CSMD1: variants seen among roughly 807,000 people sequenced by gnomAD.
CSMD1 encodes the protein CUB and sushi domain-containing protein 1.
In CSMD1, 213 loss-of-function variants were observed where a neutral mutation model predicts 417.5. The ratio of observed to expected loss-of-function variants is 0.51; its 90% confidence interval spans 0.46 to 0.57. The LOEUF (loss-of-function observed/expected upper bound fraction) is 0.57, where lower values mean the gene tolerates loss of function less well. Among genes scored for constraint, CSMD1 ranks in the 20% least tolerant of loss-of-function variants. CSMD1 has a pLI of 0.00. For synonymous variants in CSMD1, 2,862 were observed against 1,736.8 expected (o/e 1.65, Z -16.11); for missense variants, 6,923 against 4,529.7 (o/e 1.53, Z -15.17).
chr8:4,201,035 G>C (rs527619402), intron 3 of CSMD1, among the ~76,000 whole-genome samples: 2 of 152,116 alleles, frequency 1.3e-5, no homozygotes, highest in East Asian at 1.9e-4. Context: ...AGATACTACA[G>C]AGACGAATTC....
intron 2 of CSMD1, among the ~76,000 whole-genome samples, chr8:4,559,779 T>C (rs1798246867): frequency 6.6e-6 from 1 of 152,258 alleles, no homozygotes; most frequent in Non-Finnish European, 1.5e-5. Flanking sequence ...TGCAGCCTGG[T>C]GCATTTTCCA....
chr8:4,734,403 T>C (rs111711043), intron 1 of CSMD1, among the ~76,000 whole-genome samples: 2 of 152,156 alleles, frequency 1.3e-5, no homozygotes, highest in Non-Finnish European at 2.9e-5. Flanking sequence ...ATTTTTCTTT[T>C]GTTTAGTGAG....
At chr8:4,962,058 A>T (rs1179102447) in intron 1 of CSMD1, among the ~76,000 whole-genome samples, 1 of 151,388 alleles carries the variant, frequency 6.6e-6, no homozygotes, top group Non-Finnish European at 1.5e-5. Context: ...GATTTACTCC[A>T]TTATATCTAT....
rs757723429 is a variant in CSMD1 at position 3,091,577 on chromosome 8, T to C, written c.7224A>G (p.Leu2408=). The stretch of plus-strand genomic sequence containing the variant: ...CATGGTCAGTGGACCAGCGGAGATA[T>C]AACTGATTACTCCTGCTTGTAAAAT... ...QSNFTSRSNQ[L]YLRWSTDHAT... is the part of the protein sequence containing the mutation. The change falls in exon 48 of 70, where the codon TTA becomes TTG. Residue 2408 remains leucine (L), a synonymous_variant. Coordinates refer to ENST00000635120, the MANE Select transcript of CSMD1 (RefSeq NM_033225.6). 2.0e-5 allele frequency: 33 copies of C among 1,611,254 alleles called. No homozygotes were observed. The Admixed American group carries it at 5.4e-4, about 26-fold the overall frequency.
intron 7 of CSMD1, among the ~76,000 whole-genome samples, chr8:3,697,027 C>A (rs1800591393): frequency 6.6e-6 from 1 of 152,146 alleles, no homozygotes; most frequent in African/African-American, 2.4e-5. Context: ...AATGTGGTCA[C>A]ATTCCTCTTC....
At chr8:3,791,120 A>G (rs994966953) in intron 5 of CSMD1, among the ~76,000 whole-genome samples, 2 of 152,206 alleles carry the variant, frequency 1.3e-5, no homozygotes, top group African/African-American at 4.8e-5. Context: ...TATAACTTTT[A>G]AAGCTGGAGT....
chr8:3,517,174 T>G (rs1192692466), intron 10 of CSMD1, among the ~76,000 whole-genome samples: 1 of 152,166 alleles, frequency 6.6e-6, no homozygotes, highest in Non-Finnish European at 1.5e-5. Flanking sequence ...TTCTCATGCC[T>G]GTCACCAGAT....
intron 3 of CSMD1, among the ~76,000 whole-genome samples, chr8:4,271,380 A>G (rs1804584968): frequency 6.6e-6 from 1 of 152,154 alleles, no homozygotes; most frequent in South Asian, 2.1e-4. Flanking sequence ...AATAAATAAA[A>G]GTTTAAAAAA....
chr8:3,037,207 C>CTTTTT (rs34495486), intron 50 of CSMD1, among the ~76,000 whole-genome samples: 142 of 150,212 alleles, frequency 9.5e-4, no homozygotes, highest in Non-Finnish European at 1.6e-3. Context: ...ACCACACTTT[C>CTTTTT]TTTTTTTTGT....
At chr8:4,410,514 G>C (rs62480981) in intron 3 of CSMD1, among the ~76,000 whole-genome samples, 4,503 of 152,298 alleles carry the variant, frequency 0.03, 78 homozygotes, top group Middle Eastern at 0.048. Flanking sequence ...GTATAAGAGA[G>C]ACAGAAAGAG....
chr8:4,086,054 C>G (rs1021532175), intron 3 of CSMD1, among the ~76,000 whole-genome samples: 3 of 152,184 alleles, frequency 2.0e-5, no homozygotes, highest in African/African-American at 4.8e-5. Context: ...TAGATGCAAT[C>G]AAGTATCAAC....
chr8:3,291,612 A>G (rs1206180595), intron 25 of CSMD1, among the ~76,000 whole-genome samples: 1 of 152,120 alleles, frequency 6.6e-6, no homozygotes, highest in Non-Finnish European at 1.5e-5. Flanking sequence ...GTTTATTTGC[A>G]TAGAGGTGTT....
chr8:3,237,417 A>T (rs775720321), intron 26 of CSMD1, among the ~76,000 whole-genome samples: 27 of 151,742 alleles, frequency 1.8e-4, no homozygotes, highest in Non-Finnish European at 2.6e-4. Flanking sequence ...AGATGGCACC[A>T]TTGTACTCCA....
intron 2 of CSMD1, among the ~76,000 whole-genome samples, chr8:4,588,338 G>A (rs11986310): frequency 0.058 from 8,440 of 145,486 alleles, 470 homozygotes; most frequent in Middle Eastern, 0.14. Context: ...TTCAAATACA[G>A]TATAGAGAGC....
chr8:3,664,803 A>G (rs12541550), intron 7 of CSMD1, among the ~76,000 whole-genome samples: 15,341 of 152,270 alleles, frequency 0.1, 839 homozygotes, highest in Middle Eastern at 0.13. Flanking sequence ...ACACAAAGCT[A>G]TCAAGAGAGT....
intron 11 of CSMD1, among the ~76,000 whole-genome samples, chr8:3,492,334 G>C (rs1180373284): frequency 1.3e-5 from 2 of 152,082 alleles, no homozygotes; most frequent in South Asian, 2.1e-4. Context: ...CTCCCCATGG[G>C]TGTCTCACAT....
rs1798980932 is a variant in CSMD1 at position 4,190,797 on chromosome 8, AG to A, written c.416-158699del. Among the ~76,000 whole-genome samples the A allele has an allele frequency of 2.6e-5, 4 of 152,300 alleles. No individual in the cohort carries two copies. The South Asian group carries it at 8.3e-4, about 32-fold the overall frequency. ...TATAAAATGAGAGCATGTCCTCTGC[AG>A]GGACATGGATGGAGCTGGGGGCCAT... On this transcript the variant is annotated intron_variant, in intron 3 of 69. Transcript: ENST00000635120.
At chr8:4,527,459 G>C (rs1040790494) in intron 2 of CSMD1, among the ~76,000 whole-genome samples, 2 of 152,114 alleles carry the variant, frequency 1.3e-5, no homozygotes, top group Non-Finnish European at 2.9e-5. Flanking sequence ...GGCAGATCCT[G>C]TTTGCAAAGT....
At chr8:3,729,055 G>C (rs1585144212) in intron 6 of CSMD1, among the ~76,000 whole-genome samples, 1 of 152,194 alleles carries the variant, frequency 6.6e-6, no homozygotes, top group Non-Finnish European at 1.5e-5. Context: ...TCCAAAGTCT[G>C]GCCGTAATTC....
Sources: allele counts gnomAD v4.1 joint callset (sites outside exome capture counted in the v4.1 genomes callset), GRCh38; gene constraint gnomAD v4.1.1; transcripts MANE v1.5; gene names NCBI Gene and HGNC (gene_info 2026-07-23, HGNC 2026-07-21).